Variants in PRKD1 observed in about 807,000 individuals in gnomAD.
PRKD1 encodes the protein serine/threonine-protein kinase D1.
In PRKD1, 63 loss-of-function variants were observed where a neutral mutation model predicts 95.9. That is an observed-to-expected ratio of 0.66 (90% CI 0.54 to 0.81). The LOEUF (loss-of-function observed/expected upper bound fraction) is 0.81, where lower values mean the gene tolerates loss of function less well. PRKD1 is among the 30% of genes least tolerant of loss of function. The probability of loss-of-function intolerance (pLI) is 0.00; values close to 1 mark genes in which losing one functional copy is unlikely to be tolerated. For synonymous variants in PRKD1, 425 were observed against 423.1 expected (o/e 1.00, Z -0.05); for missense variants, 1,048 against 1,165.3 (o/e 0.90, Z 1.47).
At chr14:29,606,691 T>G (rs1179145428) in intron 13 of PRKD1, among the ~76,000 whole-genome samples, 1 of 152,168 alleles carries the variant, frequency 6.6e-6, no homozygotes, top group Non-Finnish European at 1.5e-5. Context: ...TCATTTACAT[T>G]GTGAAAACCT....
rs142683607 is a variant in PRKD1, at chr14:29,903,987, A to AAC, written c.264+23260_264+23261dup. Among the ~76,000 whole-genome samples, 335 of 151,816 alleles carry AAC rather than the reference A, an allele frequency of 2.2e-3. 6 individuals carry two copies. In the East Asian group the frequency reaches 0.043, roughly 20 times the overall value. On this transcript the variant is annotated intron_variant, in intron 1 of 17. Coordinates refer to ENST00000331968, the MANE Select transcript of PRKD1 (RefSeq NM_002742.3). Reference sequence around the variant, plus strand: ...TACGGATGTATTTTTTACATATACAAACACACACACACACATATAACTGCC... The same window carrying AAC: ...TACGGATGTATTTTTTACATATACAAACACACACACACACACATATAACTGCC...
Position 29,847,694 on chromosome 14 carries a change from C to A in PRKD1, c.264+79555G>T, listed in dbSNP as rs181180068. Among the ~76,000 whole-genome samples the A allele has an allele frequency of 5.3e-5, 8 of 152,250 alleles. No individual in the cohort carries two copies. In the East Asian group the frequency reaches 1.4e-3, roughly 26 times the overall value. ...CAATCCTCTGAAATATCAGCTAGCC[C>A]GTTTAAGATTCATGCTTCCATTGCC... is the stretch of plus-strand genomic sequence containing the variant. On this transcript the variant is annotated intron_variant, in intron 1 of 17. Transcript: ENST00000331968.
intron 1 of PRKD1, among the ~76,000 whole-genome samples, chr14:29,839,802 T>C (rs1191074805): frequency 1.3e-5 from 2 of 152,088 alleles, no homozygotes; most frequent in Admixed American, 1.3e-4. Flanking sequence ...TGTGAAGCCA[T>C]GACCTGAGCT....
chr14:29,668,473 C>T (rs1019206695), intron 2 of PRKD1, among the ~76,000 whole-genome samples: 5 of 152,122 alleles, frequency 3.3e-5, no homozygotes, highest in African/African-American at 1.2e-4. Context: ...CTTTTATTTG[C>T]TCTATTCACA....
chr14:29,892,930 T>C (rs1362764884), intron 1 of PRKD1, among the ~76,000 whole-genome samples: 1 of 152,178 alleles, frequency 6.6e-6, no homozygotes, highest in Admixed American at 6.5e-5. Context: ...TGAAATACCA[T>C]TAAATATATC....
At chr14:29,810,988 A>C (rs1215317116) in intron 1 of PRKD1, among the ~76,000 whole-genome samples, 2 of 152,180 alleles carry the variant, frequency 1.3e-5, no homozygotes, top group East Asian at 1.9e-4. Flanking sequence ...ATATCTTCTT[A>C]TTATGTCACT....
At chr14:29,787,100 G>GGA (rs1282816312) in intron 1 of PRKD1, among the ~76,000 whole-genome samples, 9 of 151,838 alleles carry the variant, frequency 5.9e-5, no homozygotes, top group African/African-American at 1.9e-4. Context: ...TGGTCATATA[G>GGA]GAGAGTGCTA....
At chr14:29,766,101 A>T (rs913049198) in intron 1 of PRKD1, among the ~76,000 whole-genome samples, 12 of 152,178 alleles carry the variant, frequency 7.9e-5, no homozygotes, top group African/African-American at 2.9e-4. Flanking sequence ...AGCAACGACG[A>T]AGAGAAGGAG....
chr14:29,880,164 T>G (rs1383876498), intron 1 of PRKD1, among the ~76,000 whole-genome samples: 1 of 152,178 alleles, frequency 6.6e-6, no homozygotes, highest in Non-Finnish European at 1.5e-5. Flanking sequence ...GAGACCTTCA[T>G]GGCAGCCCCT....
chr14:29,604,008 CAA>C (rs1893616669), intron 13 of PRKD1, among the ~76,000 whole-genome samples: 1 of 152,060 alleles, frequency 6.6e-6, no homozygotes, highest in Admixed American at 6.6e-5. Flanking sequence ...TAGATCAAGA[CAA>C]AAACTCTCCT....
chr14:29,855,656 C>T (rs2139347830), intron 1 of PRKD1, among the ~76,000 whole-genome samples: 1 of 152,262 alleles, frequency 6.6e-6, no homozygotes, highest in South Asian at 2.1e-4. Context: ...TATGGTTGGG[C>T]TCAGAGTTCC....
intron 2 of PRKD1, among the ~76,000 whole-genome samples, chr14:29,699,151 C>T (rs974345773): frequency 3.3e-5 from 5 of 152,150 alleles, no homozygotes; most frequent in Admixed American, 6.5e-5. Flanking sequence ...AGAAGTATTT[C>T]TACATGTGAA....
At chr14:29,897,096 C>T (rs943185607) in intron 1 of PRKD1, among the ~76,000 whole-genome samples, 1 of 151,854 alleles carries the variant, frequency 6.6e-6, no homozygotes, top group African/African-American at 2.4e-5. Context: ...TTCTAGATTT[C>T]TATGTATCTA....
intron 16 of PRKD1, among the ~76,000 whole-genome samples, chr14:29,586,662 A>G (rs1594340103): frequency 6.6e-6 from 1 of 152,078 alleles, no homozygotes; most frequent in East Asian, 1.9e-4. Context: ...TTTTTTTGAG[A>G]CGGAGTTTTG....
chr14:29,877,205 G>C (rs1373276815), intron 1 of PRKD1, among the ~76,000 whole-genome samples: 1 of 152,260 alleles, frequency 6.6e-6, no homozygotes. Flanking sequence ...AGAATAACAA[G>C]TGTTGACAAG....
intron 13 of PRKD1, among the ~76,000 whole-genome samples, chr14:29,600,779 CAT>C (rs372923504): frequency 1.3e-3 from 196 of 152,208 alleles, no homozygotes; most frequent in African/African-American, 2.3e-3. Flanking sequence ...TTAATTGCCA[CAT>C]GTCAAGTAAA....
At chr14:29,825,727 G>A (rs567002001) in intron 1 of PRKD1, among the ~76,000 whole-genome samples, 1 of 152,118 alleles carries the variant, frequency 6.6e-6, no homozygotes, top group South Asian at 2.1e-4. Context: ...CCAATATTTT[G>A]TCAACATAGT....
chr14:29,881,038 T>G (rs1233134867), intron 1 of PRKD1, among the ~76,000 whole-genome samples: 1 of 152,188 alleles, frequency 6.6e-6, no homozygotes, highest in African/African-American at 2.4e-5. Flanking sequence ...AACACTGGAA[T>G]GAGTTAAGAC....
At chr14:29,882,340 T>C (rs769401332) in intron 1 of PRKD1, among the ~76,000 whole-genome samples, 4 of 152,232 alleles carry the variant, frequency 2.6e-5, no homozygotes, top group Non-Finnish European at 4.4e-5. Flanking sequence ...GTCTAATATA[T>C]TTCCAGTGAA....
Sources: allele counts gnomAD v4.1 joint callset (sites outside exome capture counted in the v4.1 genomes callset), GRCh38; gene constraint gnomAD v4.1.1; transcripts MANE v1.5; gene names NCBI Gene and HGNC (gene_info 2026-07-23, HGNC 2026-07-21).